The following KCNAB2 variants were observed in gnomAD, a reference collection of about 807,000 sequenced individuals.
The protein encoded by KCNAB2 is potassium voltage-gated channel subfamily A regulatory beta subunit 2.
KCNAB2 carries 29 observed loss-of-function variants against 63.6 expected under a neutral mutation model. The observed-to-expected ratio is 0.46, with a 90% CI of 0.34 to 0.62. KCNAB2 has a LOEUF of 0.62. Ranked by LOEUF, KCNAB2 falls within the 20% of genes least tolerant of loss-of-function variation. The pLI is 0.01. For missense variants in KCNAB2, 359 were observed against 563.9 expected, an observed-to-expected ratio of 0.64 and a Z score of 3.68; for synonymous variants, 222 against 224.2, an observed-to-expected ratio of 0.99 and a Z score of 0.09.
chr1:6,002,918 G>A (rs775074114), intron 1 of KCNAB2, among the ~76,000 whole-genome samples: 39 of 150,642 alleles, frequency 2.6e-4, no homozygotes, highest in Non-Finnish European at 4.1e-4. Context: ...ATTTGCTCTG[G>A]CTCTGGCCCC....
chr1:6,010,317 A>T (rs925499660), intron 1 of KCNAB2, among the ~76,000 whole-genome samples: 3 of 152,228 alleles, frequency 2.0e-5, no homozygotes, highest in African/African-American at 7.2e-5. Context: ...AACTGGAGGC[A>T]GGCATGGTGG....
chr1:6,077,687 G>A (rs749737525), intron 4 of KCNAB2, among the ~76,000 whole-genome samples: 2 of 152,222 alleles, frequency 1.3e-5, no homozygotes, highest in African/African-American at 2.4e-5. Context: ...CTTAGTCTAT[G>A]AGCAGGAGTG....
chr1:6,073,115 C>A lies in KCNAB2; in HGVS notation c.262+317C>A, dbSNP rs1171326333. On this transcript the variant is annotated intron_variant, in intron 3 of 15. Transcript: ENST00000378083. This position sits in a 1 kb window ranked among gnomAD's most constrained non-coding sequence, Gnocchi z 5.7. ...GGCCCTTAGGGCCCCGGGAGTGCAACGAAGACACCTTACCTTCCAAGGCAG... is the reference window on the plus strand; with the variant it reads ...GGCCCTTAGGGCCCCGGGAGTGCAAAGAAGACACCTTACCTTCCAAGGCAG... 6.6e-6 allele frequency among the ~76,000 whole-genome samples: 1 copy of A among 152,136 alleles called. No homozygotes were observed. The highest frequency in any genetic ancestry group is 1.5e-5 in the Non-Finnish European group (1 of 68,022).
intron 4 of KCNAB2, among the ~76,000 whole-genome samples, chr1:6,080,121 G>C (rs1664066998): frequency 6.6e-6 from 1 of 152,228 alleles, no homozygotes; most frequent in South Asian, 2.1e-4. Context: ...CCTCTGAGAA[G>C]CCCTGCCAGG....
intron 1 of KCNAB2, chr1:6,026,271 C>G (rs1040260508): frequency 6.6e-6 from 1 of 152,266 alleles, no homozygotes. Flanking sequence ...GGGGCCCTGG[C>G]GCGCCAGGCT....
intron 1 of KCNAB2, among the ~76,000 whole-genome samples, chr1:6,004,277 T>C (rs1280986000): frequency 6.6e-6 from 1 of 151,660 alleles, no homozygotes; most frequent in Non-Finnish European, 1.5e-5. Context: ...CCGAGTCTGG[T>C]CTGAAACTCC....
intron 1 of KCNAB2, among the ~76,000 whole-genome samples, chr1:5,995,163 C>T (rs571028292): frequency 2.0e-5 from 3 of 152,242 alleles, no homozygotes; most frequent in African/African-American, 4.8e-5. Context: ...CAGCTCGGGG[C>T]GGCAATTCGA....
At chr1:6,084,687 G>A (rs998491895) in intron 5 of KCNAB2, among the ~76,000 whole-genome samples, 10 of 152,036 alleles carry the variant, frequency 6.6e-5, no homozygotes, top group Admixed American at 2.0e-4. Context: ...GTGGTGGCAG[G>A]TGCCTGTAGT....
chr1:6,097,017 C>T (rs561059575), intron 14 of KCNAB2, among the ~76,000 whole-genome samples: 2 of 152,328 alleles, frequency 1.3e-5, no homozygotes, highest in East Asian at 1.9e-4. Flanking sequence ...ATGGGGCTCC[C>T]GCTTTCATGG....
At position 6,024,737 on chromosome 1, in the gene KCNAB2, G is replaced by A. The variant is rs1659037275; in HGVS notation, c.-52-15780G>A. 6.6e-6 allele frequency among the ~76,000 whole-genome samples: 1 copy of A among 152,166 alleles called. No homozygotes were observed. Among genetic ancestry groups the A allele is most frequent in the African/African-American group, 2.4e-5 (1 of 41,424 alleles). On this transcript the variant is annotated intron_variant, in intron 1 of 16. Transcript: ENST00000341524. This position sits in a 1 kb window ranked among gnomAD's most constrained non-coding sequence, Gnocchi z 5.4. ...GCCAAGAGGATAACGGCTGTTCTCT[G>A]GCTCTGGGAGGCAGCAGAGGTCACC...
At chr1:6,044,902 C>T (rs1660790029), upstream of KCNAB2, among the ~76,000 whole-genome samples, 1 of 152,114 alleles carries the variant, frequency 6.6e-6, no homozygotes, top group Non-Finnish European at 1.5e-5. Context: ...CAGAAAGGGA[C>T]AGAGAGGAGC....
rs1166107167 is a variant in KCNAB2, at chr1:6,082,272, C to A, written c.378C>A (p.Gly126=). The A allele has an allele frequency of 5.0e-6, 8 of 1,611,078 alleles. No individual in the cohort carries two copies. The South Asian group carries it at 8.8e-5, about 18-fold the overall frequency. The change falls in exon 5 of 16, where the codon GGC becomes GGA. Residue 126 remains glycine, a splice_region_variant and synonymous_variant. Coordinates refer to ENST00000378083, the MANE Select transcript of KCNAB2 (RefSeq NM_001199862.2). ...ATACAGCAGAAGTCTACGCAGCCGGCAAGTACGTGTCTTTTCACACGGGAA... is the reference window on the plus strand; with the variant it reads ...ATACAGCAGAAGTCTACGCAGCCGGAAAGTACGTGTCTTTTCACACGGGAA... ...LFDTAEVYAA[G]KAEVVLGNII... is the part of the protein sequence containing the mutation.
chr1:6,090,125 A>T lies in KCNAB2; in HGVS notation c.515-264A>T, dbSNP rs968591770. ...CAGAGGAGGGTATATTGTCTGAGGG[A>T]GGAGGGGCTTCCCCTTCATTTAGTC... On this transcript the variant is annotated intron_variant, in intron 8 of 15. Transcript: ENST00000378083. 1.3e-5 allele frequency among the ~76,000 whole-genome samples: 2 copies of T among 152,208 alleles called. 1 individual carries two copies. Among genetic ancestry groups the T allele is most frequent in the Non-Finnish European group, 2.9e-5 (2 of 68,044 alleles).
intron 1 of KCNAB2, among the ~76,000 whole-genome samples, chr1:6,013,053 C>A (rs1303873372): frequency 2.6e-5 from 4 of 152,138 alleles, no homozygotes; most frequent in African/African-American, 9.7e-5. Flanking sequence ...AACATGACCT[C>A]CCATCGCTCC....
At chr1:6,068,889 T>C (rs912791452) in intron 2 of KCNAB2, among the ~76,000 whole-genome samples, 1 of 152,152 alleles carries the variant, frequency 6.6e-6, no homozygotes, top group African/African-American at 2.4e-5. Context: ...TAAAGGTGCA[T>C]GGCCAGTACC....
chr1:6,028,996 C>G lies in KCNAB2; in HGVS notation c.-52-11521C>G, dbSNP rs1659399135. The stretch of plus-strand genomic sequence containing the variant: ...TGACGCCCTGAGGCGTGGGTTCACA[C>G]TTGGGTGTGGCTGGTCACGTCTATA... On this transcript the variant is annotated intron_variant, in intron 1 of 16. Transcript: ENST00000341524. This position sits in a 1 kb window ranked among gnomAD's most constrained non-coding sequence, Gnocchi z 4.0. Among the ~76,000 whole-genome samples, 1 of 152,334 alleles carries G rather than the reference C, an allele frequency of 6.6e-6. No individual in the cohort carries two copies. Among genetic ancestry groups the G allele is most frequent in the East Asian group, 1.9e-4 (1 of 5,172 alleles).
intron 2 of KCNAB2, among the ~76,000 whole-genome samples, chr1:6,068,834 G>A (rs957260585): frequency 1.3e-5 from 2 of 152,168 alleles, no homozygotes; most frequent in African/African-American, 4.8e-5. Flanking sequence ...TGTGCTCCAG[G>A]CACAGCTGTC....
chr1:6,008,191 C>A (rs1217536651), intron 1 of KCNAB2, among the ~76,000 whole-genome samples: 1 of 152,202 alleles, frequency 6.6e-6, no homozygotes. Context: ...GATGGTGAGC[C>A]AAGTCCGGTT....
rs530451751 is a variant in KCNAB2, at chr1:6,084,973, G to A, written c.381-231G>A. Among the ~76,000 whole-genome samples, 40 of 152,324 alleles carry A rather than the reference G, an allele frequency of 2.6e-4. No individual in the cohort carries two copies. In the East Asian group the frequency reaches 6.6e-3, roughly 25 times the overall value. Reference sequence around the variant, plus strand: ...GCCACTGCTTAGACACGTGTCTGCAGGGGAACATGCCACAGCCATCCTAGT... The same window carrying A: ...GCCACTGCTTAGACACGTGTCTGCAAGGGAACATGCCACAGCCATCCTAGT... On this transcript the variant is annotated intron_variant, in intron 5 of 15. Transcript: ENST00000378083.
Sources: allele counts gnomAD v4.1 joint callset (sites outside exome capture counted in the v4.1 genomes callset), GRCh38; gene constraint gnomAD v4.1.1; non-coding constraint Gnocchi (gnomAD v3.1); transcripts MANE v1.5; gene names NCBI Gene and HGNC (gene_info 2026-07-23, HGNC 2026-07-21).